The following UBE3D variants were observed in gnomAD, a reference collection of about 807,000 sequenced individuals.
UBE3D encodes the protein ubiquitin protein ligase E3D.
UBE3D carries 48 observed loss-of-function variants against 49.6 expected under a neutral mutation model. The ratio of observed to expected loss-of-function variants is 0.97; its 90% CI spans 0.77 to 1.23. The LOEUF (loss-of-function observed/expected upper bound fraction) is 1.23. UBE3D is among the 50% of genes most tolerant of loss of function. UBE3D has a pLI of 0.00. For missense variants in UBE3D, 452 were observed against 468.4 expected (o/e 0.96, Z 0.32); for synonymous variants, 189 against 174.2 (o/e 1.08, Z -0.67).
chr6:83,062,649 A>G (rs1184465993), intron 1 of UBE3D, among the ~76,000 whole-genome samples: 1 of 152,150 alleles, frequency 6.6e-6, no homozygotes, highest in Non-Finnish European at 1.5e-5. Context: ...AAATCACCCA[A>G]CTATATATTT....
intron 4 of UBE3D, among the ~76,000 whole-genome samples, chr6:83,041,945 C>T (rs921446948): frequency 3.9e-5 from 6 of 152,014 alleles, no homozygotes; most frequent in African/African-American, 1.5e-4. Flanking sequence ...GTGTCTCGCT[C>T]TGTCACCAGG....
intron 9 of UBE3D, among the ~76,000 whole-genome samples, chr6:82,894,209 A>G (rs1166060535): frequency 6.6e-6 from 1 of 151,948 alleles, no homozygotes; most frequent in Non-Finnish European, 1.5e-5. Context: ...CAACCATTTC[A>G]TAGTCCCAGG....
At chr6:82,896,302 C>T (rs1771309211) in intron 9 of UBE3D, among the ~76,000 whole-genome samples, 1 of 152,054 alleles carries the variant, frequency 6.6e-6, no homozygotes, top group African/African-American at 2.4e-5. Context: ...CATTTTATTC[C>T]CCAAAGTAAA....
chr6:82,965,583 C>CAAA (rs35257086), intron 8 of UBE3D, among the ~76,000 whole-genome samples: 317 of 86,020 alleles, frequency 3.7e-3, no homozygotes, highest in Non-Finnish European at 5.9e-3. Context: ...AACTCCATCT[C>CAAA]AAAAAAAAAA....
At chr6:82,882,199 G>C in the UBE3D span, among the ~76,000 whole-genome samples, 14 of 152,184 alleles carry the variant, frequency 9.2e-5, no homozygotes, top group Admixed American at 4.6e-4. Flanking sequence ...AAAAAGGCTT[G>C]ACTGGCTTAG....
At chr6:82,909,481 T>C (rs1483660189) in intron 9 of UBE3D, among the ~76,000 whole-genome samples, 2 of 152,210 alleles carry the variant, frequency 1.3e-5, no homozygotes, top group Non-Finnish European at 2.9e-5. Flanking sequence ...TATTCAGAAA[T>C]GCCTCCAGAG....
chr6:82,960,845 T>C (rs1210490941), intron 8 of UBE3D, among the ~76,000 whole-genome samples: 1 of 152,150 alleles, frequency 6.6e-6, no homozygotes, highest in Non-Finnish European at 1.5e-5. Flanking sequence ...CTGACATTTG[T>C]ATGTTCAATA....
intron 5 of UBE3D, among the ~76,000 whole-genome samples, chr6:83,026,275 T>C (rs1414172606): frequency 2.0e-5 from 3 of 151,948 alleles, no homozygotes; most frequent in African/African-American, 7.3e-5. Context: ...AGTGACAGCC[T>C]GTCTCTACAA....
intron 8 of UBE3D, among the ~76,000 whole-genome samples, chr6:82,982,886 A>G (rs1382907287): frequency 1.3e-5 from 2 of 152,216 alleles, no homozygotes; most frequent in African/African-American, 4.8e-5. Flanking sequence ...CAGCTCACAG[A>G]GGAAAAGCTA....
chr6:82,933,030 C>T (rs1774284818), intron 9 of UBE3D, among the ~76,000 whole-genome samples: 1 of 152,006 alleles, frequency 6.6e-6, no homozygotes, highest in South Asian at 2.1e-4. Flanking sequence ...CAGGCAGTGG[C>T]TTCTCTTGTT....
chr6:82,911,216 A>G (rs866552367), intron 9 of UBE3D, among the ~76,000 whole-genome samples: 1 of 150,670 alleles, frequency 6.6e-6, no homozygotes, highest in Non-Finnish European at 1.5e-5. Flanking sequence ...AAAAAAAAAA[A>G]AAAAAAACTC....
chr6:83,005,087 A>G (rs913711992), intron 8 of UBE3D, among the ~76,000 whole-genome samples: 3 of 152,010 alleles, frequency 2.0e-5, no homozygotes, highest in Non-Finnish European at 4.4e-5. Flanking sequence ...CAAATCATAC[A>G]TCTCATAAGG....
In UBE3D at chr6:83,019,090, T is replaced by G; in HGVS notation, c.893A>C (p.Asn298Thr). Residue 298 changes from asparagine (N) to threonine (T), a missense_variant, in exon 8 of 10, where the codon AAT (asparagine) becomes ACT (threonine). Coordinates refer to ENST00000369747, the MANE Select transcript of UBE3D (RefSeq NM_198920.3). Reference sequence around the variant, plus strand: ...GGGGAATTTTTTGATATATTTGGAATTTCTCAAAGATTCAATCACCAAACT... The same window carrying G: ...GGGGAATTTTTTGATATATTTGGAAGTTCTCAAAGATTCAATCACCAAACT... ...SDSLVIESLR[N>T]SKYIKKFPLL... The G allele has an allele frequency of 6.2e-7, 1 of 1,613,824 alleles. No homozygotes were observed. The highest frequency in any genetic ancestry group is 8.5e-7 in the Non-Finnish European group (1 of 1,179,902).
chr6:82,989,087 T>C (rs552809892), intron 8 of UBE3D, among the ~76,000 whole-genome samples: 44 of 152,192 alleles, frequency 2.9e-4, no homozygotes, highest in Non-Finnish European at 5.6e-4. Context: ...TATGAGACTC[T>C]TCGGGCAGAA....
chr6:82,881,708 T>C, the UBE3D span, among the ~76,000 whole-genome samples: 1 of 152,192 alleles, frequency 6.6e-6, no homozygotes, highest in Admixed American at 6.5e-5. Flanking sequence ...AGCTGAAGGC[T>C]ATAGATAGCA....
At chr6:82,997,854 C>T (rs187516336) in intron 8 of UBE3D, among the ~76,000 whole-genome samples, 120 of 152,220 alleles carry the variant, frequency 7.9e-4, no homozygotes, top group African/African-American at 2.8e-3. Flanking sequence ...GTTATACAGA[C>T]GGGAGTGAAA....
At chr6:82,994,635 C>T (rs1445732718) in intron 8 of UBE3D, among the ~76,000 whole-genome samples, 2 of 151,976 alleles carry the variant, frequency 1.3e-5, no homozygotes, top group Non-Finnish European at 2.9e-5. Context: ...AACACCTGAA[C>T]TAGGTTGATG....
rs754110427 is a variant in UBE3D at position 83,038,447 on chromosome 6, G to A, written c.636C>T (p.Cys212=). The change falls in exon 5 of 10, where the codon TGC becomes TGT. Residue 212 remains cysteine, a synonymous_variant. Coordinates refer to ENST00000369747, the MANE Select transcript of UBE3D (RefSeq NM_198920.3). ...KANTKVICKR[C]KVMLGETVSS... is the part of the protein sequence containing the mutation. ...ACACGGTCTCTCCCAACATTACCTT[G>A]CAACGCTTACAAATTACTTTGGTAT... The A allele has an allele frequency of 9.3e-6, 15 of 1,611,438 alleles. No individual in the cohort carries two copies. Among genetic ancestry groups the A allele is most frequent in the East Asian group, 2.2e-5 (1 of 44,674 alleles).
intron 8 of UBE3D, 57 bp downstream of exon 8, chr6:83,018,916 A>T: frequency 6.3e-7 from 1 of 1,594,062 alleles, no homozygotes; most frequent in South Asian, 1.1e-5. Flanking sequence ...CTTAACACCA[A>T]CATGACAACA....
Sources: gnomAD v4.1 joint callset for allele counts (sites outside exome capture counted in the v4.1 genomes callset) on GRCh38, gnomAD v4.1.1 for gene constraint, MANE v1.5 for transcripts, NCBI Gene and HGNC (gene_info 2026-07-23, HGNC 2026-07-21) for gene names.